The following HDHD2 variants were observed in gnomAD, a reference collection of about 807,000 sequenced individuals.
HDHD2 encodes the protein haloacid dehalogenase like hydrolase domain containing 2, also known as haloacid dehalogenase-like hydrolase domain-containing protein 2.
In HDHD2, 26 loss-of-function variants were observed where a neutral mutation model predicts 24.8. That is an observed-to-expected ratio of 1.05 (90% CI 0.77 to 1.45). The LOEUF (loss-of-function observed/expected upper bound fraction) is 1.45. HDHD2 is among the 40% of genes most tolerant of loss of function. The pLI is 0.00. For synonymous variants in HDHD2, 128 were observed against 114.9 expected (o/e 1.11, Z -0.73); for missense variants, 299 against 313.4 (o/e 0.95, Z 0.35).
At chr18:47,136,995 C>T (rs1469797260) in intron 1 of HDHD2, 3 of 616,832 alleles carry the variant, frequency 4.9e-6, no homozygotes, top group Non-Finnish European at 3.0e-6. Context: ...GAAGTGGCAG[C>T]TGAGGAGACT....
chr18:47,126,567 A>G (rs1260111444), intron 4 of HDHD2, among the ~76,000 whole-genome samples: 1 of 152,190 alleles, frequency 6.6e-6, no homozygotes, highest in Non-Finnish European at 1.5e-5. Context: ...AATGTTATTA[A>G]CAAAACTTCA....
At chr18:47,124,018 T>C (rs2063632648) in intron 4 of HDHD2, among the ~76,000 whole-genome samples, 1 of 152,212 alleles carries the variant, frequency 6.6e-6, no homozygotes, top group South Asian at 2.1e-4. Context: ...AGATAAAGAA[T>C]CTAGTCACTT....
intron 2 of HDHD2, 123 bp from the exon 3 acceptor site, chr18:47,134,827 C>A: frequency 1.4e-6 from 1 of 711,524 alleles, no homozygotes; most frequent in East Asian, 2.6e-5. Flanking sequence ...TGTGTAGCCT[C>A]TTGCCCCTCC....
At chr18:47,141,302 ATCTT>A (rs954607286) in intron 1 of HDHD2, among the ~76,000 whole-genome samples, 1 of 152,228 alleles carries the variant, frequency 6.6e-6, no homozygotes, top group African/African-American at 2.4e-5. Context: ...CTGATATATT[ATCTT>A]TTTTTACTTA....
chr18:47,111,452 T>C, intron 6 of HDHD2: 1 of 984,354 alleles, frequency 1.0e-6, no homozygotes, highest in Non-Finnish European at 1.2e-6. Flanking sequence ...TAAGGATTTC[T>C]TCAATAATGA....
chr18:47,126,747 G>A (rs1293220526), intron 4 of HDHD2, among the ~76,000 whole-genome samples: 2 of 151,978 alleles, frequency 1.3e-5, no homozygotes, highest in South Asian at 2.1e-4. Flanking sequence ...GTAATTCCAT[G>A]TAGTTTTTTT....
chr18:47,136,128 T>A (rs967771598), intron 2 of HDHD2, among the ~76,000 whole-genome samples: 1 of 152,220 alleles, frequency 6.6e-6, no homozygotes, highest in Non-Finnish European at 1.5e-5. Flanking sequence ...ACAAAAAGAC[T>A]GGATCAAAAG....
intron 4 of HDHD2, among the ~76,000 whole-genome samples, chr18:47,129,595 C>T (rs1010666691): frequency 2.0e-5 from 3 of 152,040 alleles, no homozygotes; most frequent in African/African-American, 4.8e-5. Flanking sequence ...TCCAGTTCAC[C>T]GTATCATTAC....
At chr18:47,148,057 C>G (rs1214173190) in intron 1 of HDHD2, among the ~76,000 whole-genome samples, 1 of 148,892 alleles carries the variant, frequency 6.7e-6, no homozygotes. Context: ...GGCACTATCT[C>G]TCAGCTCACT....
intron 1 of HDHD2, among the ~76,000 whole-genome samples, chr18:47,140,856 A>G (rs1417921103): frequency 1.3e-5 from 2 of 152,188 alleles, no homozygotes; most frequent in Non-Finnish European, 2.9e-5. Flanking sequence ...AATAGAAACA[A>G]AATTGTCACT....
intron 1 of HDHD2, among the ~76,000 whole-genome samples, chr18:47,146,765 T>G (rs1262367443): frequency 1.3e-5 from 2 of 152,162 alleles, no homozygotes; most frequent in African/African-American, 4.8e-5. Context: ...GGTTTCATAT[T>G]ATAGTACTCA....
intron 4 of HDHD2, among the ~76,000 whole-genome samples, chr18:47,117,966 T>C (rs563568638): frequency 3.3e-5 from 5 of 152,062 alleles, no homozygotes; most frequent in African/African-American, 1.2e-4. Flanking sequence ...TTTTTGCTTC[T>C]GCAATAAAGC....
chr18:47,124,123 T>C (rs2063633672), intron 4 of HDHD2, among the ~76,000 whole-genome samples: 1 of 152,198 alleles, frequency 6.6e-6, no homozygotes, highest in Non-Finnish European at 1.5e-5. Flanking sequence ...CAGATAAAAA[T>C]GAACTTCTAT....
chr18:47,137,150 A>G, intron 1 of HDHD2: 1 of 724,330 alleles, frequency 1.4e-6, no homozygotes, highest in Non-Finnish European at 2.6e-6. Flanking sequence ...TAAACTAATG[A>G]AAGACTATTG....
At chr18:47,124,932 G>C (rs1021150883) in intron 4 of HDHD2, among the ~76,000 whole-genome samples, 4 of 151,970 alleles carry the variant, frequency 2.6e-5, no homozygotes, top group African/African-American at 9.7e-5. Context: ...TGAGAGACTA[G>C]GGCACAATGA....
chr18:47,130,351 A>G (rs1290818877), intron 3 of HDHD2, 23 bp from the exon 4 acceptor site: 1 of 1,461,028 alleles, frequency 6.8e-7, no homozygotes, highest in Admixed American at 2.0e-5. Context: ...AAAAAAAATG[A>G]TTGTTGCAAA....
chr18:47,112,766 A>G (rs901632896), intron 6 of HDHD2, among the ~76,000 whole-genome samples: 1 of 152,196 alleles, frequency 6.6e-6, no homozygotes, highest in Non-Finnish European at 1.5e-5. Flanking sequence ...GGAAAGTACT[A>G]AAGTACCTCT....
At chr18:47,145,301 T>C (rs894268258) in intron 1 of HDHD2, among the ~76,000 whole-genome samples, 3 of 152,226 alleles carry the variant, frequency 2.0e-5, no homozygotes, top group African/African-American at 7.2e-5. Context: ...TGGCCAAGTA[T>C]AGCCAAGACA....
chr18:47,126,335 GTTCT>G lies in HDHD2; in HGVS notation c.395+3905_395+3908del, dbSNP rs1032671642. 5.3e-5 allele frequency among the ~76,000 whole-genome samples: 8 copies of G among 152,140 alleles called. No individual in the cohort carries two copies. In the East Asian group the frequency reaches 9.7e-4, roughly 18 times the overall value. On this transcript the variant is annotated intron_variant, in intron 4 of 6. Transcript: ENST00000300605. The stretch of plus-strand genomic sequence containing the variant: ...GAGGCCATTACTGTCTGTTTGTCTT[GTTCT>G]TTCTTTCTTTTCTTCCCTTTACTAA...
Sources: allele counts gnomAD v4.1 joint callset (sites outside exome capture counted in the v4.1 genomes callset), GRCh38; gene constraint gnomAD v4.1.1; transcripts MANE v1.5; gene names NCBI Gene and HGNC (gene_info 2026-07-23, HGNC 2026-07-21).